LRP1B: variants seen among roughly 807,000 people sequenced by gnomAD.
The protein encoded by LRP1B is low-density lipoprotein receptor-related protein 1B.
Under a neutral mutation model 556.6 loss-of-function variants are expected in LRP1B, and 217 were observed. That is an observed-to-expected ratio of 0.39 (90% CI 0.35 to 0.44). The LOEUF is 0.44. LRP1B is among the 20% of genes least tolerant of loss of function. LRP1B has a pLI of 1.00. For synonymous variants in LRP1B, 2,047 were observed against 1,865.8 expected (o/e 1.10, Z -2.50); for missense variants, 5,053 against 5,620.8 (o/e 0.90, Z 3.23).
At chr2:141,747,092 T>C (rs888735233) in intron 2 of LRP1B, among the ~76,000 whole-genome samples, 1 of 152,294 alleles carries the variant, frequency 6.6e-6, no homozygotes, top group South Asian at 2.1e-4. Flanking sequence ...GCTAGAATAT[T>C]ACAAACGATT....
Position 140,922,987 on chromosome 2 carries a change from G to A in LRP1B, c.3297C>T (p.Thr1099=), listed in dbSNP as rs1229792824. 2 of 1,611,968 alleles carry A rather than the reference G, an allele frequency of 1.2e-6. No individual in the cohort carries two copies. Residue 1099 remains threonine (T), a synonymous_variant, in exon 21 of 91, where the codon ACC becomes ACT. Coordinates refer to ENST00000389484, the MANE Select transcript of LRP1B (RefSeq NM_018557.3). ...TACCTGTACTCCAACAGGAAAACTT[G>A]GTTTTGTGGTCACACAATCGTATGG... is the stretch of plus-strand genomic sequence containing the variant. The part of the protein sequence containing the change: ...NGTIRLCDHK[T]KFSCWSTGRC...
rs184846958 is a variant in LRP1B, at chr2:140,494,461, C to T, written c.9034+1104G>A. ...CTGAAAATACAAAAACAAAATTAGC[C>T]GGGTGTGGTGGCGGGCACCTGTAGT... On this transcript the variant is annotated intron_variant, in intron 56 of 90. Coordinates refer to ENST00000389484, the MANE Select transcript of LRP1B (RefSeq NM_018557.3). Among the ~76,000 whole-genome samples the T allele has an allele frequency of 1.9e-3, 281 of 151,832 alleles. 1 individual carries two copies. The highest frequency in any genetic ancestry group is 3.0e-3 in the Non-Finnish European group (201 of 67,898).
intron 32 of LRP1B, among the ~76,000 whole-genome samples, chr2:140,804,507 A>G (rs1690641140): frequency 6.6e-6 from 1 of 152,096 alleles, no homozygotes; most frequent in Non-Finnish European, 1.5e-5. Context: ...CAAGTTGAGC[A>G]CTTAGATTTT....
rs147086758 is a variant in LRP1B at position 141,627,673 on chromosome 2, C to T, written c.206-147140G>A. 3.3e-5 allele frequency among the ~76,000 whole-genome samples: 5 copies of T among 152,310 alleles called. No individual in the cohort carries two copies. The East Asian group carries it at 5.8e-4, about 18-fold the overall frequency. On this transcript the variant is annotated intron_variant, in intron 2 of 90. Coordinates refer to ENST00000389484, the MANE Select transcript of LRP1B (RefSeq NM_018557.3). Reference sequence around the variant, plus strand: ...CATCCTGAAACCATTCTCCTCCACCCCTGGTCCATGGAAACACTGTCGTCC... The same window carrying T: ...CATCCTGAAACCATTCTCCTCCACCTCTGGTCCATGGAAACACTGTCGTCC...
At chr2:141,133,588 G>A (rs550159750) in intron 7 of LRP1B, among the ~76,000 whole-genome samples, 29 of 152,096 alleles carry the variant, frequency 1.9e-4, no homozygotes, top group African/African-American at 7.0e-4. Context: ...CACAGCATAA[G>A]CACCCTGTAA....
At chr2:140,789,334 C>T (rs1190022575) in intron 32 of LRP1B, among the ~76,000 whole-genome samples, 4 of 152,100 alleles carry the variant, frequency 2.6e-5, no homozygotes, top group Non-Finnish European at 5.9e-5. Flanking sequence ...CCCCTGCTAC[C>T]ACACTAGTCC....
chr2:141,306,219 G>A (rs1686581975), intron 3 of LRP1B, among the ~76,000 whole-genome samples: 1 of 151,980 alleles, frequency 6.6e-6, no homozygotes, highest in African/African-American at 2.4e-5. Context: ...GAGGAAAATT[G>A]GTACTCATTC....
chr2:141,879,128 T>C (rs570478130), intron 1 of LRP1B, among the ~76,000 whole-genome samples: 13 of 151,996 alleles, frequency 8.6e-5, no homozygotes, highest in African/African-American at 2.9e-4. Context: ...GCATAAAATA[T>C]AGGAATCTTT....
At chr2:141,783,247 C>A (rs1241998809) in intron 2 of LRP1B, among the ~76,000 whole-genome samples, 1 of 151,992 alleles carries the variant, frequency 6.6e-6, no homozygotes, top group African/African-American at 2.4e-5. Context: ...AGTACATTTT[C>A]TTTAAATTAG....
At chr2:141,345,067 G>A (rs1305896310) in intron 3 of LRP1B, among the ~76,000 whole-genome samples, 1 of 151,906 alleles carries the variant, frequency 6.6e-6, no homozygotes, top group Non-Finnish European at 1.5e-5. Flanking sequence ...ACGTTACAAA[G>A]TTAGAATGAT....
At chr2:140,662,346 C>T (rs1294133508) in intron 41 of LRP1B, among the ~76,000 whole-genome samples, 1 of 151,918 alleles carries the variant, frequency 6.6e-6, no homozygotes, top group African/African-American at 2.4e-5. Context: ...GCTATAATTA[C>T]AAATATTAAG....
intron 2 of LRP1B, among the ~76,000 whole-genome samples, chr2:141,507,764 A>G (rs1463756477): frequency 2.0e-5 from 3 of 152,128 alleles, no homozygotes; most frequent in Non-Finnish European, 4.4e-5. Flanking sequence ...AGGAAAAAAT[A>G]TTATGTTTTT....
chr2:140,700,688 C>A (rs2105422603), intron 40 of LRP1B, 67 bp from the exon 41 acceptor site: 1 of 1,498,802 alleles, frequency 6.7e-7, no homozygotes, highest in Non-Finnish European at 9.1e-7. Context: ...AAACAAAATT[C>A]TCCATAAAGA....
intron 16 of LRP1B, among the ~76,000 whole-genome samples, chr2:140,991,391 C>T (rs1193244456): frequency 6.6e-6 from 1 of 151,994 alleles, no homozygotes; most frequent in Non-Finnish European, 1.5e-5. Context: ...CTGAAATTAC[C>T]TATGTAGTAT....
intron 3 of LRP1B, among the ~76,000 whole-genome samples, chr2:141,459,523 T>A (rs1271884784): frequency 6.6e-6 from 1 of 152,116 alleles, no homozygotes; most frequent in Non-Finnish European, 1.5e-5. Flanking sequence ...ATGGTTTGGC[T>A]TTGTCCCCCG....
At chr2:140,368,901 C>A (rs1277353152) in intron 71 of LRP1B, among the ~76,000 whole-genome samples, 1 of 151,640 alleles carries the variant, frequency 6.6e-6, no homozygotes, top group Non-Finnish European at 1.5e-5. Flanking sequence ...AATAATGTAA[C>A]CACTAAAATA....
At chr2:141,689,787 A>G (rs1046530103) in intron 2 of LRP1B, among the ~76,000 whole-genome samples, 3 of 151,802 alleles carry the variant, frequency 2.0e-5, no homozygotes, top group East Asian at 3.9e-4. Context: ...CCTCATAAAT[A>G]TCTATTTTAG....
chr2:141,886,919 C>CTG (rs1366362672), intron 1 of LRP1B, among the ~76,000 whole-genome samples: 1 of 148,186 alleles, frequency 6.7e-6, no homozygotes, highest in Non-Finnish European at 1.5e-5. Flanking sequence ...TATTTATTTT[C>CTG]TGTGTGTGTG....
intron 11 of LRP1B, among the ~76,000 whole-genome samples, chr2:141,033,169 G>A (rs573999190): frequency 1.5e-4 from 23 of 152,010 alleles, no homozygotes; most frequent in Middle Eastern, 3.4e-3. Flanking sequence ...GTGTGCTGGG[G>A]TAACTGTGAG....
Sources: allele counts gnomAD v4.1 joint callset (sites outside exome capture counted in the v4.1 genomes callset), GRCh38; gene constraint gnomAD v4.1.1; transcripts MANE v1.5; gene names NCBI Gene and HGNC (gene_info 2026-07-23, HGNC 2026-07-21).